DIABLO: variants seen among roughly 807,000 people sequenced by gnomAD.
DIABLO encodes diablo homolog, mitochondrial.
Under a neutral mutation model 31.7 loss-of-function variants are expected in DIABLO, and 32 were observed. That is an observed-to-expected ratio of 1.01 (90% CI 0.76 to 1.35). DIABLO has a LOEUF of 1.35. Ranked by LOEUF, DIABLO falls within the 40% of genes most tolerant of loss-of-function variation. DIABLO has a pLI of 0.00. For missense variants in DIABLO, 316 were observed against 286.4 expected (o/e 1.10, Z -0.75); for synonymous variants, 132 against 103.2 (o/e 1.28, Z -1.69).
chr12:122,226,181 C>A, upstream of DIABLO: 1 of 1,101,848 alleles, frequency 9.1e-7, no homozygotes. Context: ...AGGCTTAGGG[C>A]AAAGGCTGTA....
At position 122,209,197 on chromosome 12, in the gene DIABLO, A is replaced by C. The variant is rs186607904; in HGVS notation, c.524-620T>G. Among the ~76,000 whole-genome samples, 377 of 151,920 alleles carry C rather than the reference A, an allele frequency of 2.5e-3. 1 individual carries two copies. Among genetic ancestry groups the C allele is most frequent in the African/African-American group, 8.6e-3 (355 of 41,446 alleles). On this transcript the variant is annotated intron_variant, in intron 5 of 5. Transcript: ENST00000464942. ...CTAACATGGTGAACCCGTCTCTACC[A>C]AAAATACAAAAAAAAATTAGCCAGG... is the stretch of plus-strand genomic sequence containing the variant.
upstream of DIABLO, chr12:122,226,110 C>T (rs762295918): frequency 1.7e-4 from 251 of 1,509,540 alleles, no homozygotes; most frequent in Middle Eastern, 2.3e-4. Context: ...CGCCTCGCCC[C>T]ATAGCCACGC....
At chr12:122,226,399 G>C (rs1353098502), upstream of DIABLO, 2 of 666,230 alleles carry the variant, frequency 3.0e-6, no homozygotes, top group Admixed American at 2.1e-5. Flanking sequence ...GGGCCGGGCG[G>C]GAGGCGGGGC....
At chr12:122,219,873 A>T (rs529895617) in intron 2 of DIABLO, among the ~76,000 whole-genome samples, 12 of 151,614 alleles carry the variant, frequency 7.9e-5, no homozygotes, top group South Asian at 2.1e-4. Context: ...GCCAAAAAAA[A>T]AAAAAGTGGA....
intron 5 of DIABLO, among the ~76,000 whole-genome samples, chr12:122,214,982 GGCA>G (rs1954174430): frequency 6.6e-6 from 1 of 152,166 alleles, no homozygotes; most frequent in Non-Finnish European, 1.5e-5. Flanking sequence ...TGGGATTATA[GGCA>G]TGAGCCACTG....
chr12:122,209,846 G>C (rs761049707), intron 5 of DIABLO: 2 of 701,802 alleles, frequency 2.8e-6, no homozygotes, highest in South Asian at 1.5e-5. Context: ...TTCTAACTTC[G>C]ATGAAAACAC....
At chr12:122,208,623 G>C (rs200309542) in intron 5 of DIABLO, 46 bp from the exon 6 acceptor site, 213 of 1,591,490 alleles carry the variant, frequency 1.3e-4, no homozygotes, top group Non-Finnish European at 1.7e-4. Flanking sequence ...TGCAGGGCGC[G>C]GAAGGCTCAT....
chr12:122,224,561 G>C lies in DIABLO; in HGVS notation c.134C>G (p.Thr45Ser), dbSNP rs371193635. The change falls in exon 2 of 6, where the codon ACT (threonine) becomes AGT (serine). Residue 45 changes from threonine (T) to serine (S), a missense_variant. Thr to Ser is a moderately conservative substitution (Grantham distance 58). Transcript: ENST00000464942. ...GGTTACTCCAAAGCCAATCGTCACA[G>C]TTTTGTGCCATGGTCTTATCAATTC... ...FSELIRPWHK[T>S]VTIGFGVTLC... The C allele has an allele frequency of 2.5e-6, 4 of 1,613,902 alleles. No individual in the cohort carries two copies. The highest frequency in any genetic ancestry group is 2.5e-6 in the Non-Finnish European group (3 of 1,180,024).
rs530426732 is a variant in DIABLO at position 122,208,403 on chromosome 12, T to G, written c.698A>C (p.Glu233Ala). 6 of 1,612,732 alleles carry G rather than the reference T, an allele frequency of 3.7e-6. No individual in the cohort carries two copies. Among genetic ancestry groups the G allele is most frequent in the East Asian group, 4.5e-5 (2 of 44,876 alleles). The change falls in exon 6 of 6, where the codon GAG (glutamate) becomes GCG (alanine). Residue 233 changes from glutamate (E) to alanine (A), a missense_variant. Glu to Ala is a moderately radical substitution (Grantham distance 107). Coordinates refer to ENST00000464942, the MANE Select transcript of DIABLO (RefSeq NM_001371333.1). ...EGEERAESEQ[E>A]AYLRED ...CCCTCAATCCTCACGCAGGTAGGCC[T>G]CCTGCTCCGACTCAGCCCGCTCCTC...
chr12:122,223,961 C>T (rs10846470), intron 2 of DIABLO, among the ~76,000 whole-genome samples: 71,010 of 151,820 alleles, frequency 0.47, 19,438 homozygotes, highest in African/African-American at 0.75. Context: ...CCACCACACC[C>T]GGCTAAATTT....
intron 5 of DIABLO, among the ~76,000 whole-genome samples, chr12:122,215,067 C>T (rs1954176991): frequency 6.6e-6 from 1 of 152,152 alleles, no homozygotes; most frequent in African/African-American, 2.4e-5. Context: ...GTGGCTCGCA[C>T]CTGTAATCCC....
intron 5 of DIABLO, among the ~76,000 whole-genome samples, chr12:122,210,663 G>A (rs1242806898): frequency 1.3e-5 from 2 of 152,074 alleles, no homozygotes; most frequent in Non-Finnish European, 2.9e-5. Flanking sequence ...ACAGGCGTGA[G>A]CCACCGCGCC....
chr12:122,218,135 G>C, intron 3 of DIABLO, 131 bp downstream of exon 3: 1 of 1,131,386 alleles, frequency 8.8e-7, no homozygotes, highest in Non-Finnish European at 1.3e-6. Flanking sequence ...AACCGTTATT[G>C]ACAACACATA....
intron 2 of DIABLO, among the ~76,000 whole-genome samples, chr12:122,222,835 G>A (rs1440710867): frequency 6.6e-6 from 1 of 152,106 alleles, no homozygotes; most frequent in Non-Finnish European, 1.5e-5. Context: ...CCCAGAGGCA[G>A]AGCTCAGGCA....
intron 2 of DIABLO, chr12:122,218,627 G>C: frequency 1.8e-6 from 1 of 544,086 alleles, no homozygotes; most frequent in South Asian, 2.0e-5. Flanking sequence ...GCTCCAAAAA[G>C]CAAATTATTT....
chr12:122,208,655 C>T, intron 5 of DIABLO, 78 bp from the exon 6 acceptor site: 1 of 1,464,288 alleles, frequency 6.8e-7, no homozygotes, highest in Non-Finnish European at 9.3e-7. Flanking sequence ...CCTGGGGGTG[C>T]TGTGGCTGTC....
At chr12:122,216,060 C>G (rs1164680140) in intron 5 of DIABLO, among the ~76,000 whole-genome samples, 1 of 152,006 alleles carries the variant, frequency 6.6e-6, no homozygotes, top group Non-Finnish European at 1.5e-5. Context: ...ATAATTTGTC[C>G]TGGTTTTGCC....
At chr12:122,218,129 G>A (rs926955157) in intron 3 of DIABLO, 137 bp downstream of exon 3, 25 of 1,070,066 alleles carry the variant, frequency 2.3e-5, no homozygotes, top group African/African-American at 3.1e-5. Context: ...CTCAAAAACC[G>A]TTATTGACAA....
chr12:122,214,511 G>A (rs1954161322), intron 5 of DIABLO, among the ~76,000 whole-genome samples: 2 of 151,924 alleles, frequency 1.3e-5, no homozygotes, highest in South Asian at 4.2e-4. Context: ...CTGCAGCCTT[G>A]AGCTCCTGGG....
Sources: allele counts gnomAD v4.1 joint callset (sites outside exome capture counted in the v4.1 genomes callset), GRCh38; gene constraint gnomAD v4.1.1; transcripts MANE v1.5; gene names NCBI Gene and HGNC (gene_info 2026-07-23, HGNC 2026-07-21).